The following CACNA2D3 variants were observed in gnomAD, a reference collection of about 807,000 sequenced individuals.
CACNA2D3 encodes the protein calcium voltage-gated channel auxiliary subunit alpha2delta 3.
In CACNA2D3, 60 loss-of-function variants were observed where a neutral mutation model predicts 160.6. The ratio of observed to expected loss-of-function variants is 0.37; its 90% CI spans 0.30 to 0.46. The LOEUF (loss-of-function observed/expected upper bound fraction) is 0.46, where lower values mean the gene tolerates loss of function less well. Ranked by LOEUF, CACNA2D3 falls within the 20% of genes least tolerant of loss-of-function variation. The pLI is 1.00. For synonymous variants in CACNA2D3, 558 were observed against 492.9 expected (o/e 1.13, Z -1.75); for missense variants, 1,205 against 1,365.0 (o/e 0.88, Z 1.85).
intron 27 of CACNA2D3, among the ~76,000 whole-genome samples, chr3:54,950,593 A>C (rs1264009039): frequency 6.6e-6 from 1 of 152,210 alleles, no homozygotes; most frequent in Non-Finnish European, 1.5e-5. Context: ...TGATCAAAGA[A>C]AATATGCCAA....
At chr3:54,556,691 A>G (rs1351832867) in intron 5 of CACNA2D3, among the ~76,000 whole-genome samples, 6 of 152,200 alleles carry the variant, frequency 3.9e-5, no homozygotes, top group African/African-American at 1.4e-4. Flanking sequence ...GGGTCTTTTA[A>G]ACAGAATTTG....
At chr3:55,010,175 G>T (rs946217502) in intron 34 of CACNA2D3, among the ~76,000 whole-genome samples, 1 of 152,046 alleles carries the variant, frequency 6.6e-6, no homozygotes, top group Non-Finnish European at 1.5e-5. Flanking sequence ...GTATAAGTAA[G>T]GTAAACACTG....
chr3:55,021,872 C>T (rs1703464492), intron 35 of CACNA2D3, among the ~76,000 whole-genome samples: 2 of 151,736 alleles, frequency 1.3e-5, no homozygotes, highest in Non-Finnish European at 2.9e-5. Flanking sequence ...ATTAAATGGC[C>T]TTGTGGTCTG....
At chr3:54,895,465 C>G (rs540474466) in intron 25 of CACNA2D3, among the ~76,000 whole-genome samples, 1 of 152,288 alleles carries the variant, frequency 6.6e-6, no homozygotes, top group Non-Finnish European at 1.5e-5. Flanking sequence ...AAAGTGGGCA[C>G]TCCATCTTTG....
intron 31 of CACNA2D3, among the ~76,000 whole-genome samples, chr3:55,000,405 A>C (rs1166729392): frequency 6.6e-6 from 1 of 152,086 alleles, no homozygotes; most frequent in Non-Finnish European, 1.5e-5. Flanking sequence ...GAAATAGAGG[A>C]GTGGGGAACA....
chr3:54,350,384 T>A (rs1455556375), intron 3 of CACNA2D3, among the ~76,000 whole-genome samples: 1 of 152,164 alleles, frequency 6.6e-6, no homozygotes, highest in Non-Finnish European at 1.5e-5. Context: ...GCATTTTAGG[T>A]TCTATGCCAG....
intron 2 of CACNA2D3, among the ~76,000 whole-genome samples, chr3:54,313,400 C>G (rs960632077): frequency 4.6e-5 from 7 of 152,148 alleles, no homozygotes; most frequent in African/African-American, 1.7e-4. Flanking sequence ...CCCCCTTACT[C>G]TATTCTGCAC....
intron 3 of CACNA2D3, among the ~76,000 whole-genome samples, chr3:54,346,228 G>A (rs1698456078): frequency 6.6e-6 from 1 of 152,148 alleles, no homozygotes; most frequent in East Asian, 1.9e-4. Context: ...ACGGATGATA[G>A]GATACAGAAG....
At chr3:55,030,716 T>G (rs888284657) in intron 35 of CACNA2D3, among the ~76,000 whole-genome samples, 1 of 152,152 alleles carries the variant, frequency 6.6e-6, no homozygotes, top group Non-Finnish European at 1.5e-5. Flanking sequence ...CCTGATTCTT[T>G]TCCTCAGATG....
intron 13 of CACNA2D3, among the ~76,000 whole-genome samples, chr3:54,807,957 A>G (rs1703176054): frequency 6.7e-6 from 1 of 148,498 alleles, no homozygotes; most frequent in African/African-American, 2.5e-5. Flanking sequence ...TCACAAGAAC[A>G]AAAAACCAAA....
intron 2 of CACNA2D3, among the ~76,000 whole-genome samples, chr3:54,285,849 C>G (rs1298090757): frequency 9.2e-5 from 14 of 152,226 alleles, no homozygotes; most frequent in Admixed American, 9.2e-4. Context: ...CACACTTCAA[C>G]AGACCTGCAG....
intron 11 of CACNA2D3, among the ~76,000 whole-genome samples, chr3:54,749,141 GT>G (rs1276401934): frequency 6.6e-6 from 1 of 152,100 alleles, no homozygotes; most frequent in Admixed American, 6.5e-5. Flanking sequence ...AGCAATGCTA[GT>G]TTGTAAAATG....
chr3:54,246,851 C>T (rs189569326), intron 2 of CACNA2D3, among the ~76,000 whole-genome samples: 5 of 152,326 alleles, frequency 3.3e-5, no homozygotes, highest in African/African-American at 1.2e-4. Flanking sequence ...TATGAACCAG[C>T]TTTGTTCCTA....
chr3:54,768,512 A>T (rs1181497461), intron 13 of CACNA2D3, among the ~76,000 whole-genome samples: 1 of 152,166 alleles, frequency 6.6e-6, no homozygotes, highest in Admixed American at 6.5e-5. Flanking sequence ...ACCCATTGCT[A>T]CTCAAACTTT....
intron 2 of CACNA2D3, among the ~76,000 whole-genome samples, chr3:54,272,185 C>T (rs554197322): frequency 1.3e-5 from 2 of 152,286 alleles, no homozygotes; most frequent in African/African-American, 4.8e-5. Context: ...GGGAGTGACA[C>T]GTGTTAGGTG....
chr3:55,067,089 A>C (rs969173420), intron 35 of CACNA2D3, among the ~76,000 whole-genome samples: 26 of 144,072 alleles, frequency 1.8e-4, no homozygotes, highest in Non-Finnish European at 3.5e-4. Context: ...TTCCGCTGGC[A>C]ATCTTTTGTA....
At chr3:54,270,822 G>A (rs148066990) in intron 2 of CACNA2D3, among the ~76,000 whole-genome samples, 70 of 152,272 alleles carry the variant, frequency 4.6e-4, no homozygotes, top group African/African-American at 1.5e-3. Context: ...GCTCCTTCAG[G>A]CTGCCCTCAT....
chr3:54,422,477 A>G (rs1699852252), intron 4 of CACNA2D3, among the ~76,000 whole-genome samples: 1 of 152,230 alleles, frequency 6.6e-6, no homozygotes, highest in African/African-American at 2.4e-5. Flanking sequence ...TAACAACAAT[A>G]TCAAAATAAA....
chr3:54,324,741 C>T lies in CACNA2D3; in HGVS notation c.321+4183C>T, dbSNP rs139337374. Among the ~76,000 whole-genome samples, 567 of 152,176 alleles carry T rather than the reference C, an allele frequency of 3.7e-3. 4 individuals carry two copies. Among genetic ancestry groups the T allele is most frequent in the Non-Finnish European group, 6.2e-3 (420 of 68,006 alleles). On this transcript the variant is annotated intron_variant, in intron 3 of 37. Transcript: ENST00000474759. Reference sequence around the variant, plus strand: ...CTAAGCAGTTTGTCAAGTTTTAAGTCCCTACGAATGGACAAGAAATGGAGT... The same window carrying T: ...CTAAGCAGTTTGTCAAGTTTTAAGTTCCTACGAATGGACAAGAAATGGAGT...
Sources: allele counts gnomAD v4.1 joint callset (sites outside exome capture counted in the v4.1 genomes callset), GRCh38; gene constraint gnomAD v4.1.1; transcripts MANE v1.5; gene names NCBI Gene and HGNC (gene_info 2026-07-23, HGNC 2026-07-21).